The following KCNIP1 variants were observed in gnomAD, a reference collection of about 807,000 sequenced individuals.
KCNIP1 encodes A-type potassium channel modulatory protein KCNIP1.
A neutral mutation model predicts 33.0 loss-of-function variants in KCNIP1; 18 were observed. The ratio of observed to expected loss-of-function variants is 0.55; its 90% confidence interval spans 0.38 to 0.81. KCNIP1 has a LOEUF of 0.81. KCNIP1 is among the 30% of genes least tolerant of loss of function. KCNIP1 has a pLI of 0.00. For synonymous variants in KCNIP1, 93 were observed against 98.3 expected, an observed-to-expected ratio of 0.95 and a Z score of 0.32; for missense variants, 238 against 271.6, an observed-to-expected ratio of 0.88 and a Z score of 0.87.
chr5:170,619,767 A>G (rs1759531448), intron 1 of KCNIP1, among the ~76,000 whole-genome samples: 1 of 152,186 alleles, frequency 6.6e-6, no homozygotes, highest in African/African-American at 2.4e-5. Flanking sequence ...ACCTTTGCCA[A>G]ACAATCTGAT....
intron 1 of KCNIP1, among the ~76,000 whole-genome samples, chr5:170,562,518 C>G (rs1474982547): frequency 1.3e-5 from 2 of 152,194 alleles, no homozygotes; most frequent in African/African-American, 4.8e-5. Context: ...TGAATGCTGT[C>G]TTCACTGGCC....
intron 1 of KCNIP1, among the ~76,000 whole-genome samples, chr5:170,549,546 A>G (rs902044332): frequency 6.6e-6 from 1 of 152,352 alleles, no homozygotes; most frequent in Non-Finnish European, 1.5e-5. Context: ...AATTAAGGAA[A>G]TCTGGGATGA....
chr5:170,717,966 T>C (rs1017060368), intron 1 of KCNIP1, among the ~76,000 whole-genome samples: 6 of 152,230 alleles, frequency 3.9e-5, no homozygotes, highest in Non-Finnish European at 5.9e-5. Flanking sequence ...CCCTCTGTGA[T>C]GGTAAAACGT....
intron 1 of KCNIP1, among the ~76,000 whole-genome samples, chr5:170,698,784 G>A (rs767458956): frequency 1.4e-4 from 21 of 152,118 alleles, no homozygotes; most frequent in Admixed American, 3.3e-4. Context: ...AGTATATACC[G>A]CCACACCAAT....
chr5:170,574,342 A>C (rs1005567692), intron 1 of KCNIP1, among the ~76,000 whole-genome samples: 4 of 152,242 alleles, frequency 2.6e-5, no homozygotes, highest in Admixed American at 2.6e-4. Context: ...CTAAGCATTA[A>C]AATAAATATG....
At chr5:170,506,259 G>A (rs1177980490) in intron 1 of KCNIP1, among the ~76,000 whole-genome samples, 3 of 152,036 alleles carry the variant, frequency 2.0e-5, no homozygotes, top group Non-Finnish European at 4.4e-5. Flanking sequence ...CCCTGCCTCT[G>A]GGACCTTAGG....
chr5:170,472,340 G>A (rs1756748971), intron 1 of KCNIP1, among the ~76,000 whole-genome samples: 1 of 152,220 alleles, frequency 6.6e-6, no homozygotes. Context: ...GGCGGCGCCT[G>A]CCCCACAGTC....
chr5:170,602,700 G>A lies in KCNIP1; in HGVS notation c.61+98067G>A, dbSNP rs549318941. ...AGACTCAAGGACTAAGAACAAACCA[G>A]GAAGAAGCATCACCACAGGCTCCTT... is the stretch of plus-strand genomic sequence containing the variant. On this transcript the variant is annotated intron_variant, in intron 1 of 7. Coordinates refer to ENST00000328939, the MANE Select transcript of KCNIP1 (RefSeq NM_014592.4). Among the ~76,000 whole-genome samples the A allele has an allele frequency of 9.7e-4, 148 of 152,300 alleles. 1 individual carries two copies. Among genetic ancestry groups the A allele is most frequent in the African/African-American group, 3.2e-3 (135 of 41,574 alleles).
rs114856380 is a variant in KCNIP1, at chr5:170,409,409, G to A, written c.88+55445G>A. 8.0e-3 allele frequency among the ~76,000 whole-genome samples: 1,220 copies of A among 152,276 alleles called. 16 individuals are homozygous for A. The highest frequency in any genetic ancestry group is 0.028 in the African/African-American group (1,145 of 41,542). On this transcript the variant is annotated intron_variant, in intron 1 of 7. Transcript: ENST00000377360. ...GTGCAATGTGGGTGTGAACTCATGT[G>A]TCCAGTTGCTCTCAGCAAGCCAACA...
At chr5:170,534,465 AGGGAGAAGGAGGAGG>A (rs1561673147) in intron 1 of KCNIP1, among the ~76,000 whole-genome samples, 1 of 143,604 alleles carries the variant, frequency 7.0e-6, no homozygotes, top group African/African-American at 2.8e-5. Flanking sequence ...AGAGAGGGAG[AGGGAGAAGGAGGAGG>A]AGGAGGAGGA....
intron 1 of KCNIP1, among the ~76,000 whole-genome samples, chr5:170,460,423 G>T (rs1307751085): frequency 6.6e-6 from 1 of 152,032 alleles, no homozygotes; most frequent in Non-Finnish European, 1.5e-5. Flanking sequence ...GATGAACATA[G>T]ATGCAAAAAA....
chr5:170,505,302 G>A (rs1006815354), intron 1 of KCNIP1, among the ~76,000 whole-genome samples: 1 of 152,164 alleles, frequency 6.6e-6, no homozygotes, highest in African/African-American at 2.4e-5. Context: ...GTCCCCAGCC[G>A]AGGCATGGCT....
At chr5:170,675,092 G>C (rs1023258297) in intron 1 of KCNIP1, among the ~76,000 whole-genome samples, 2 of 152,006 alleles carry the variant, frequency 1.3e-5, no homozygotes, top group African/African-American at 4.8e-5. Flanking sequence ...CTTGAGCCCA[G>C]GCGTTCTAGA....
chr5:170,479,292 G>A (rs775725504), intron 1 of KCNIP1, among the ~76,000 whole-genome samples: 10 of 152,224 alleles, frequency 6.6e-5, no homozygotes, highest in Middle Eastern at 3.2e-3. Context: ...AAAACTGGGG[G>A]AGAGGTTAGG....
At chr5:170,379,277 A>G (rs1045081125) in intron 1 of KCNIP1, among the ~76,000 whole-genome samples, 10 of 151,680 alleles carry the variant, frequency 6.6e-5, no homozygotes, top group African/African-American at 2.4e-4. Flanking sequence ...CAAATTTCTC[A>G]CTCTTTCTGA....
intron 1 of KCNIP1, among the ~76,000 whole-genome samples, chr5:170,533,256 G>A (rs750896360): frequency 6.6e-6 from 1 of 152,166 alleles, no homozygotes; most frequent in African/African-American, 2.4e-5. Flanking sequence ...GCTCACAGAG[G>A]GGCACCCCAG....
intron 1 of KCNIP1, among the ~76,000 whole-genome samples, chr5:170,425,983 A>C (rs1755604895): frequency 6.6e-6 from 1 of 152,154 alleles, no homozygotes; most frequent in African/African-American, 2.4e-5. Flanking sequence ...GCATTTTCTC[A>C]GCAGCTTTTG....
At chr5:170,382,655 C>CT (rs5873227) in intron 1 of KCNIP1, 3,077 of 129,508 alleles carry the variant, frequency 0.024, 112 homozygotes, top group African/African-American at 0.067. Flanking sequence ...AAGAGCCTTT[C>CT]TTTTTTTTTT....
chr5:170,668,165 T>C (rs1252110864), intron 1 of KCNIP1, among the ~76,000 whole-genome samples: 1 of 152,162 alleles, frequency 6.6e-6, no homozygotes, highest in Non-Finnish European at 1.5e-5. Context: ...GAAAGAACTC[T>C]AAGAGGTTAA....
Sources: gnomAD v4.1 joint callset for allele counts (sites outside exome capture counted in the v4.1 genomes callset) on GRCh38, gnomAD v4.1.1 for gene constraint, MANE v1.5 for transcripts, NCBI Gene and HGNC (gene_info 2026-07-23, HGNC 2026-07-21) for gene names.